Variants in WASHC5 observed in about 807,000 individuals in gnomAD.
The protein encoded by WASHC5 is WASH complex subunit 5.
WASHC5 carries 101 observed loss-of-function variants against 150.4 expected under a neutral mutation model. That is an observed-to-expected ratio of 0.67 (90% CI 0.57 to 0.79). WASHC5 has a LOEUF of 0.79. Ranked by LOEUF, WASHC5 falls within the 30% of genes least tolerant of loss-of-function variation. WASHC5 has a pLI of 0.00. For missense variants in WASHC5, 1,195 were observed against 1,396.3 expected, an observed-to-expected ratio of 0.86 and a Z score of 2.30; for synonymous variants, 467 against 491.2, an observed-to-expected ratio of 0.95 and a Z score of 0.65.
chr8:125,085,995 G>A (rs75855573), intron 1 of WASHC5, among the ~76,000 whole-genome samples: 5,709 of 152,094 alleles, frequency 0.038, 357 homozygotes, highest in African/African-American at 0.13. Flanking sequence ...TTATAATAAT[G>A]TGGTAACTGG....
At chr8:125,083,569 T>C (rs1817335763) in intron 2 of WASHC5, 144 bp downstream of exon 2, 4 of 661,010 alleles carry the variant, frequency 6.1e-6, no homozygotes, top group Non-Finnish European at 1.0e-5. Context: ...ATTTTCAAGT[T>C]AGTAGCTAAT....
intron 19 of WASHC5, among the ~76,000 whole-genome samples, 158 bp from the exon 20 acceptor site, chr8:125,047,489 G>A (rs1202602078): frequency 6.6e-6 from 1 of 151,876 alleles, no homozygotes; most frequent in Admixed American, 6.6e-5. Flanking sequence ...CCAGGCTGGA[G>A]TGCAGTGGCA....
intron 9 of WASHC5, among the ~76,000 whole-genome samples, chr8:125,072,947 G>C (rs1816942740): frequency 6.6e-6 from 1 of 152,090 alleles, no homozygotes; most frequent in Non-Finnish European, 1.5e-5. Context: ...TTATTCCCTA[G>C]CACCTAACAG....
chr8:125,058,405 A>C (rs2130093445), intron 14 of WASHC5, among the ~76,000 whole-genome samples: 1 of 152,038 alleles, frequency 6.6e-6, no homozygotes, highest in East Asian at 1.9e-4. Context: ...TCCCAAAAAA[A>C]GGTGCATCTC....
chr8:125,030,586 C>T (rs769509273), intron 27 of WASHC5, among the ~76,000 whole-genome samples: 15 of 144,900 alleles, frequency 1.0e-4, no homozygotes, highest in Non-Finnish European at 1.2e-4. Flanking sequence ...ACTGCAAAGC[C>T]GAGATCACGC....
At chr8:125,043,617 G>A (rs954211402) in intron 23 of WASHC5, among the ~76,000 whole-genome samples, 1 of 152,186 alleles carries the variant, frequency 6.6e-6, no homozygotes, top group Non-Finnish European at 1.5e-5. Flanking sequence ...AAAGGAAAAC[G>A]CTAGGCTCCT....
At chr8:125,040,645 T>C (rs1320656431) in intron 23 of WASHC5, 1 of 152,180 alleles carries the variant, frequency 6.6e-6, no homozygotes, top group Non-Finnish European at 1.5e-5. Flanking sequence ...TCTCACGAGA[T>C]CTGATGGTTT....
At chr8:125,083,367 T>A in intron 2 of WASHC5, 109 bp from the exon 3 acceptor site, 1 of 977,948 alleles carries the variant, frequency 1.0e-6, no homozygotes, top group Non-Finnish European at 1.6e-6. Flanking sequence ...ATCCCAAACT[T>A]AAAGCAGAGC....
intron 17 of WASHC5, among the ~76,000 whole-genome samples, chr8:125,055,043 G>A (rs1487116788): frequency 1.3e-5 from 2 of 151,480 alleles, no homozygotes; most frequent in African/African-American, 2.4e-5. Context: ...CACATTTTCT[G>A]CAGAACTACA....
At chr8:125,035,186 G>A (rs969565656) in intron 26 of WASHC5, among the ~76,000 whole-genome samples, 3 of 152,152 alleles carry the variant, frequency 2.0e-5, no homozygotes, top group African/African-American at 7.2e-5. Flanking sequence ...TCTTATTGAT[G>A]AGAAGAATTA....
At chr8:125,038,354 G>C (rs1308317975) in intron 25 of WASHC5, among the ~76,000 whole-genome samples, 1 of 152,194 alleles carries the variant, frequency 6.6e-6, no homozygotes, top group Non-Finnish European at 1.5e-5. Flanking sequence ...GCTCAGGACA[G>C]ATTTTGCCAT....
chr8:125,049,458 T>C (rs1413906636), intron 18 of WASHC5, among the ~76,000 whole-genome samples: 1 of 151,942 alleles, frequency 6.6e-6, no homozygotes, highest in African/African-American at 2.4e-5. Flanking sequence ...CTTGGGAGGC[T>C]GAGGCAGGGA....
At chr8:125,090,113 GAAGGAAATCACTTAGT>G (rs1817557175) in intron 1 of WASHC5, among the ~76,000 whole-genome samples, 1 of 152,190 alleles carries the variant, frequency 6.6e-6, no homozygotes, top group South Asian at 2.1e-4. Context: ...TTAGCTGAAA[GAAGGAAATCACTTAGT>G]TACATTTTAT....
At chr8:125,089,694 C>G (rs10112171) in intron 1 of WASHC5, among the ~76,000 whole-genome samples, 22,804 of 152,214 alleles carry the variant, frequency 0.15, 2,237 homozygotes, top group Middle Eastern at 0.33. Flanking sequence ...AGACTCAGCA[C>G]CTGCATGCAC....
chr8:125,057,705 A>C, intron 14 of WASHC5, 39 bp from the exon 15 acceptor site: 1 of 1,272,726 alleles, frequency 7.9e-7, no homozygotes, highest in East Asian at 2.3e-5. Flanking sequence ...CTTGTTTCAA[A>C]AAGAGTCCTA....
chr8:125,085,757 G>A (rs552815833), intron 1 of WASHC5, among the ~76,000 whole-genome samples: 4 of 152,282 alleles, frequency 2.6e-5, no homozygotes, highest in South Asian at 2.1e-4. Context: ...GGTAGAAGGC[G>A]AAGGGCAACT....
intron 6 of WASHC5, among the ~76,000 whole-genome samples, chr8:125,077,379 A>G (rs1373774261): frequency 1.3e-5 from 2 of 152,128 alleles, no homozygotes; most frequent in Non-Finnish European, 1.5e-5. Flanking sequence ...CAAACTCCCA[A>G]TTTTGCATGT....
intron 17 of WASHC5, among the ~76,000 whole-genome samples, chr8:125,052,679 C>T (rs78154742): frequency 0.029 from 4,405 of 150,588 alleles, 129 homozygotes; most frequent in South Asian, 0.16. Flanking sequence ...TTTTCATTTT[C>T]CACCTTGGAG....
chr8:125,031,811 C>G (rs1322576412), intron 27 of WASHC5, among the ~76,000 whole-genome samples: 3 of 152,192 alleles, frequency 2.0e-5, no homozygotes, highest in African/African-American at 2.4e-5. Flanking sequence ...ATTTGCTTCT[C>G]TACATGCAGA....
Sources: allele counts gnomAD v4.1 joint callset (sites outside exome capture counted in the v4.1 genomes callset), GRCh38; gene constraint gnomAD v4.1.1; transcripts MANE v1.5; gene names NCBI Gene and HGNC (gene_info 2026-07-23, HGNC 2026-07-21).